The following PBX3 variants were observed in gnomAD, a reference collection of about 807,000 sequenced individuals.
PBX3 encodes the protein pre-B-cell leukemia transcription factor 3.
In PBX3, 14 loss-of-function variants were observed where a neutral mutation model predicts 48.5. That is an observed-to-expected ratio of 0.29 (90% CI 0.19 to 0.45). The LOEUF (loss-of-function observed/expected upper bound fraction) is 0.45. Among genes scored for constraint, PBX3 ranks in the 20% least tolerant of loss-of-function variants. PBX3 has a pLI of 1.00. For synonymous variants in PBX3, 210 were observed against 200.3 expected (o/e 1.05, Z -0.41); for missense variants, 386 against 546.7 (o/e 0.71, Z 2.93).
intron 4 of PBX3, among the ~76,000 whole-genome samples, chr9:125,931,451 C>T (rs1040338805): frequency 2.0e-5 from 3 of 152,098 alleles, no homozygotes; most frequent in Non-Finnish European, 4.4e-5. Context: ...GCATTTGCCA[C>T]CATGCTCGGA....
rs1040809504 is a variant in PBX3, at chr9:125,966,883, T to C, written c.*960T>C. On this transcript the variant is annotated 3_prime_UTR_variant, in exon 9 of 9. Coordinates refer to ENST00000373489, the MANE Select transcript of PBX3 (RefSeq NM_006195.6). ...CTGTAGTTTGTCTCTTTCTTATCTT[T>C]TTGCATCTTGTAATTAACTCTTTGT... The C allele has an allele frequency of 1.3e-5, 2 of 152,672 alleles. No individual in the cohort carries two copies. 9.5% of individuals were successfully genotyped at this position (152,672 alleles called of 1,614,324 possible).
At chr9:125,751,062 T>C (rs1836361825) in intron 2 of PBX3, among the ~76,000 whole-genome samples, 1 of 152,248 alleles carries the variant, frequency 6.6e-6, no homozygotes, top group Non-Finnish European at 1.5e-5. Context: ...CATGAACTTA[T>C]AAAAGAAACA....
At chr9:125,851,049 A>G (rs1839562870) in intron 2 of PBX3, among the ~76,000 whole-genome samples, 1 of 152,148 alleles carries the variant, frequency 6.6e-6, no homozygotes, top group Non-Finnish European at 1.5e-5. Flanking sequence ...GAAGGAAGAT[A>G]CTGTAAAACT....
chr9:125,802,781 C>T (rs1837999338), intron 2 of PBX3, among the ~76,000 whole-genome samples: 1 of 151,052 alleles, frequency 6.6e-6, no homozygotes, highest in Non-Finnish European at 1.5e-5. Context: ...CGGGTTCAAG[C>T]AATTCTCCTG....
chr9:125,842,995 T>C (rs540383749), intron 2 of PBX3, among the ~76,000 whole-genome samples: 4 of 152,296 alleles, frequency 2.6e-5, no homozygotes, highest in Non-Finnish European at 4.4e-5. Flanking sequence ...GCTGAGGCTA[T>C]CCTTGGTTTT....
chr9:125,752,333 TTG>T (rs1471304739), intron 2 of PBX3, among the ~76,000 whole-genome samples: 5 of 152,158 alleles, frequency 3.3e-5, no homozygotes, highest in Non-Finnish European at 7.4e-5. Flanking sequence ...GCTTGGTTGG[TTG>T]GGCTGGTTGA....
chr9:125,770,836 C>T (rs1836922613), intron 2 of PBX3, among the ~76,000 whole-genome samples: 1 of 152,202 alleles, frequency 6.6e-6, no homozygotes, highest in Admixed American at 6.5e-5. Flanking sequence ...GCAAATCTTT[C>T]ACAGTTGTGC....
intron 2 of PBX3, among the ~76,000 whole-genome samples, chr9:125,800,269 A>G (rs1295782501): frequency 6.6e-6 from 1 of 152,226 alleles, no homozygotes; most frequent in Admixed American, 6.5e-5. Context: ...AATAATGAGC[A>G]AAAGCCAAAT....
intron 2 of PBX3, among the ~76,000 whole-genome samples, chr9:125,864,555 G>A (rs187119236): frequency 3.3e-5 from 5 of 152,220 alleles, no homozygotes; most frequent in Admixed American, 2.0e-4. Context: ...TCAACTAGAC[G>A]GTCCTATCTG....
intron 5 of PBX3, among the ~76,000 whole-genome samples, chr9:125,949,679 G>C (rs1842146348): frequency 6.6e-6 from 1 of 152,166 alleles, no homozygotes; most frequent in Admixed American, 6.5e-5. Flanking sequence ...TTTTTGAAAA[G>C]AAAAGAAGAC....
In PBX3 at chr9:125,759,436, C is replaced by T. The variant is rs1232506590; in HGVS notation, c.274+10813C>T. ...CCAAATGTACTTCCTATTTGTTGTG[C>T]AAGGGAATTGGAACAGTGAGGCATT... On this transcript the variant is annotated intron_variant, in intron 2 of 8. Transcript: ENST00000373489. This position sits in a 1 kb window ranked among gnomAD's most constrained non-coding sequence, Gnocchi z 4.2. Among the ~76,000 whole-genome samples the T allele has an allele frequency of 6.6e-6, 1 of 152,138 alleles. No individual in the cohort carries two copies. Among genetic ancestry groups the T allele is most frequent in the Non-Finnish European group, 1.5e-5 (1 of 68,030 alleles).
intron 2 of PBX3, among the ~76,000 whole-genome samples, chr9:125,913,693 C>T (rs1440609055): frequency 6.6e-6 from 1 of 151,864 alleles, no homozygotes; most frequent in African/African-American, 2.4e-5. Context: ...ACCACATGTC[C>T]ATAGGGAAAA....
chr9:125,854,063 T>A (rs1483526545), intron 2 of PBX3, among the ~76,000 whole-genome samples: 2 of 152,148 alleles, frequency 1.3e-5, no homozygotes, highest in African/African-American at 4.8e-5. Context: ...GTAATCGGAA[T>A]CTCTGGAGAG....
At chr9:125,829,412 C>T (rs1005913353) in intron 2 of PBX3, among the ~76,000 whole-genome samples, 3 of 152,020 alleles carry the variant, frequency 2.0e-5, no homozygotes. Context: ...AATAAGCTTG[C>T]TGATTTGGTT....
At chr9:125,933,221 A>G (rs189285115) in intron 4 of PBX3, among the ~76,000 whole-genome samples, 14 of 152,338 alleles carry the variant, frequency 9.2e-5, no homozygotes, top group Admixed American at 3.9e-4. Flanking sequence ...GCTCAGTCAG[A>G]TATATGATTC....
At chr9:125,947,247 G>T (rs1842084641) in intron 5 of PBX3, among the ~76,000 whole-genome samples, 1 of 152,088 alleles carries the variant, frequency 6.6e-6, no homozygotes, top group African/African-American at 2.4e-5. Context: ...GAAAAGCAAA[G>T]AAAAGGATAA....
chr9:125,755,674 T>G (rs199685034), intron 2 of PBX3, among the ~76,000 whole-genome samples: 36 of 59,944 alleles, frequency 6.0e-4, no homozygotes, highest in East Asian at 5.3e-3. Flanking sequence ...GGAGCTTTGT[T>G]TTTTTTTTTT....
At chr9:125,769,607 A>G (rs1836890525) in intron 2 of PBX3, among the ~76,000 whole-genome samples, 1 of 152,234 alleles carries the variant, frequency 6.6e-6, no homozygotes, top group Admixed American at 6.5e-5. Context: ...TGCCTACACA[A>G]GTATGGTATT....
chr9:125,812,076 T>C (rs1180170198), intron 2 of PBX3, among the ~76,000 whole-genome samples: 1 of 152,232 alleles, frequency 6.6e-6, no homozygotes, highest in Non-Finnish European at 1.5e-5. Context: ...ATGAAGTAGA[T>C]TGAGCTTTCA....
Sources: allele counts gnomAD v4.1 joint callset (sites outside exome capture counted in the v4.1 genomes callset), GRCh38; gene constraint gnomAD v4.1.1; non-coding constraint Gnocchi (gnomAD v3.1); transcripts MANE v1.5; gene names NCBI Gene and HGNC (gene_info 2026-07-23, HGNC 2026-07-21).